EDARADD: variants seen among roughly 807,000 people sequenced by gnomAD.
EDARADD encodes ectodysplasin-A receptor-associated adapter protein.
A neutral mutation model predicts 25.6 loss-of-function variants in EDARADD; 20 were observed. The ratio of observed to expected loss-of-function variants is 0.78; its 90% CI spans 0.55 to 1.14. The LOEUF (loss-of-function observed/expected upper bound fraction) is 1.14. Ranked by LOEUF, EDARADD falls within the 50% of genes most tolerant of loss-of-function variation. The pLI, the probability that EDARADD is intolerant of heterozygous loss-of-function variation, is 0.00. For synonymous variants in EDARADD, 86 were observed against 94.4 expected, an observed-to-expected ratio of 0.91 and a Z score of 0.52; for missense variants, 225 against 270.1, an observed-to-expected ratio of 0.83 and a Z score of 1.17.
chr1:236,464,127 A>C (rs916516989), intron 4 of EDARADD, among the ~76,000 whole-genome samples: 1 of 152,168 alleles, frequency 6.6e-6, no homozygotes, highest in South Asian at 2.1e-4. Context: ...CCATGGCCTC[A>C]CTGCCCACCT....
intron 3 of EDARADD, among the ~76,000 whole-genome samples, chr1:236,362,223 C>CT (rs1167858417): frequency 1.3e-5 from 2 of 152,124 alleles, no homozygotes; most frequent in South Asian, 2.1e-4. Flanking sequence ...TACTTGTCAT[C>CT]TTTTTAAATC....
chr1:236,368,494 G>T (rs955729087), intron 3 of EDARADD, among the ~76,000 whole-genome samples: 4 of 146,116 alleles, frequency 2.7e-5, no homozygotes, highest in South Asian at 2.2e-4. Context: ...AGGCTGGAGT[G>T]CAGTGGCGCT....
At position 236,484,422 on chromosome 1, in the gene EDARADD, A is replaced by G; in HGVS notation, c.*1773A>G. 6.2e-7 allele frequency: 1 copy of G among 1,610,556 alleles called. No individual in the cohort carries two copies. The highest frequency in any genetic ancestry group is 8.5e-7 in the Non-Finnish European group (1 of 1,178,046). ...CAGAATTGAAGAGGAGCTGGGCAGCAAGGCTAAGTTTGCCGGCAGGAACTT... is the reference window on the plus strand; with the variant it reads ...CAGAATTGAAGAGGAGCTGGGCAGCGAGGCTAAGTTTGCCGGCAGGAACTT... On this transcript the variant is annotated 3_prime_UTR_variant, in exon 6 of 6. Coordinates refer to ENST00000334232, the MANE Select transcript of EDARADD (RefSeq NM_145861.4). This position sits in a 1 kb window ranked among gnomAD's most constrained non-coding sequence, Gnocchi z 4.1.
intron 3 of EDARADD, among the ~76,000 whole-genome samples, chr1:236,363,963 C>T (rs542099060): frequency 1.3e-4 from 19 of 151,286 alleles, no homozygotes; most frequent in Admixed American, 7.2e-4. Flanking sequence ...GTCAGGAGTT[C>T]GAGACCAGCC....
intron 1 of EDARADD, among the ~76,000 whole-genome samples, chr1:236,397,576 G>A (rs1387909323): frequency 6.6e-6 from 1 of 152,126 alleles, no homozygotes; most frequent in Non-Finnish European, 1.5e-5. Context: ...CAGAGGATAT[G>A]ATGATAAGAG....
chr1:236,413,745 G>A (rs1268293169), intron 2 of EDARADD, among the ~76,000 whole-genome samples: 1 of 152,166 alleles, frequency 6.6e-6, no homozygotes, highest in African/African-American at 2.4e-5. Context: ...GAGGAACTGT[G>A]CTGAATTCTG....
chr1:236,483,484 G>A lies in EDARADD; in HGVS notation c.*835G>A, dbSNP rs1248684346. The A allele has an allele frequency of 3.0e-5, 31 of 1,016,788 alleles. No individual in the cohort carries two copies. In the East Asian group the frequency reaches 6.2e-4, roughly 20 times the overall value. The allele number at this position is 1,016,788 out of a possible 1,614,324, so 63.0% of individuals were successfully genotyped here. On this transcript the variant is annotated 3_prime_UTR_variant, in exon 6 of 6. Coordinates refer to ENST00000334232, the MANE Select transcript of EDARADD (RefSeq NM_145861.4). ...GGAACAGAAAATAAATCTAAATTTG[G>A]TGCAAATGCCATTCTGGGAGTGTCC...
At chr1:236,460,141 A>G (rs180774076) in intron 4 of EDARADD, among the ~76,000 whole-genome samples, 1 of 152,016 alleles carries the variant, frequency 6.6e-6, no homozygotes, top group East Asian at 1.9e-4. Context: ...TAAGTACTTA[A>G]TAAATGTATC....
In EDARADD at chr1:236,418,478, C is replaced by T. The variant is rs531953422; in HGVS notation, c.160+4179C>T. Among the ~76,000 whole-genome samples the T allele has an allele frequency of 5.8e-4, 87 of 150,508 alleles. 1 individual carries two copies. In the South Asian group the frequency reaches 0.018, roughly 31 times the overall value. On this transcript the variant is annotated intron_variant, in intron 3 of 5. Transcript: ENST00000334232. The stretch of plus-strand genomic sequence containing the variant: ...CAGGCTGGTCTCGAACTCCTGACCT[C>T]AAGCGATCCATCCACCTCGGCCTCC...
At chr1:236,457,237 C>T (rs1002703213) in intron 4 of EDARADD, among the ~76,000 whole-genome samples, 1 of 152,144 alleles carries the variant, frequency 6.6e-6, no homozygotes, top group Admixed American at 6.6e-5. Context: ...TCAAGTTTAC[C>T]GGGCACGGGG....
chr1:236,472,460 G>A (rs1243965531), intron 5 of EDARADD, among the ~76,000 whole-genome samples: 1 of 152,152 alleles, frequency 6.6e-6, no homozygotes, highest in East Asian at 1.9e-4. Context: ...ATTTCCCTGG[G>A]GGTTTGGTGG....
intron 1 of EDARADD, among the ~76,000 whole-genome samples, chr1:236,396,104 A>T (rs1380828747): frequency 6.6e-6 from 1 of 152,014 alleles, no homozygotes; most frequent in Non-Finnish European, 1.5e-5. Context: ...TTGCACTTTG[A>T]TGAAATGGTT....
At chr1:236,359,408 C>G (rs1290875192) in intron 3 of EDARADD, among the ~76,000 whole-genome samples, 1 of 152,224 alleles carries the variant, frequency 6.6e-6, no homozygotes, top group Non-Finnish European at 1.5e-5. Context: ...TGGCCTTCAA[C>G]CTTCCGCCAT....
At position 236,453,648 on chromosome 1, in the gene EDARADD, C is replaced by G. The variant is rs1336240492; in HGVS notation, c.220-14583C>G. Among the ~76,000 whole-genome samples, 3 of 152,122 alleles carry G rather than the reference C, an allele frequency of 2.0e-5. No individual in the cohort carries two copies. In the East Asian group the frequency reaches 5.8e-4, roughly 29 times the overall value. ...TGTATTTACCATTGTGTTGCAGTTG[C>G]CTACAGTATTCAAGTCAGTAACATG... On this transcript the variant is annotated intron_variant, in intron 4 of 5. Coordinates refer to ENST00000334232, the MANE Select transcript of EDARADD (RefSeq NM_145861.4).
At chr1:236,464,504 C>A (rs906477917) in intron 4 of EDARADD, among the ~76,000 whole-genome samples, 13 of 139,190 alleles carry the variant, frequency 9.3e-5, no homozygotes, top group African/African-American at 2.7e-4. Flanking sequence ...GTGATCTCGG[C>A]TCAATGCAAC....
Position 236,433,092 on chromosome 1 carries a change from T to C in EDARADD, c.219+5642T>C, listed in dbSNP as rs1658150058. Among the ~76,000 whole-genome samples, 3 of 152,110 alleles carry C rather than the reference T, an allele frequency of 2.0e-5. No homozygotes were observed. The South Asian group carries it at 6.2e-4, about 32-fold the overall frequency. On this transcript the variant is annotated intron_variant, in intron 4 of 5. Transcript: ENST00000334232. ...TTCTTTACACTGTCTTCTCAAATTTTCTGTAAATCTAAAATGATTCTAAAA... is the reference window on the plus strand; with the variant it reads ...TTCTTTACACTGTCTTCTCAAATTTCCTGTAAATCTAAAATGATTCTAAAA...
chr1:236,384,007 AAAT>A (rs1205929647), intron 3 of EDARADD, among the ~76,000 whole-genome samples: 1 of 152,208 alleles, frequency 6.6e-6, no homozygotes, highest in Non-Finnish European at 1.5e-5. Flanking sequence ...TGTCTCAAAA[AAAT>A]AAAATAAAAT....
At chr1:236,418,912 C>G (rs1452064978) in intron 3 of EDARADD, among the ~76,000 whole-genome samples, 1 of 152,178 alleles carries the variant, frequency 6.6e-6, no homozygotes, top group Non-Finnish European at 1.5e-5. Flanking sequence ...GCCCCCGCTC[C>G]CCAAGCCTTG....
intron 4 of EDARADD, among the ~76,000 whole-genome samples, chr1:236,450,571 C>T (rs1658684987): frequency 1.0e-5 from 1 of 95,560 alleles, no homozygotes; most frequent in African/African-American, 4.2e-5. Flanking sequence ...TTCTTTGAGA[C>T]AGAGTCTTGC....
Sources: gnomAD v4.1 joint callset for allele counts (sites outside exome capture counted in the v4.1 genomes callset) on GRCh38, gnomAD v4.1.1 for gene constraint, Gnocchi (gnomAD v3.1) non-coding constraint, MANE v1.5 for transcripts, NCBI Gene and HGNC (gene_info 2026-07-23, HGNC 2026-07-21) for gene names.